Variants in EIF3H observed in about 807,000 individuals in gnomAD.
EIF3H encodes eukaryotic translation initiation factor 3 subunit H, also known as eIF-3-gamma.
Under a neutral mutation model 44.2 loss-of-function variants are expected in EIF3H, and 26 were observed. That is an observed-to-expected ratio of 0.59 (90% confidence interval 0.43 to 0.82). The LOEUF (loss-of-function observed/expected upper bound fraction) is 0.82, where lower values mean the gene tolerates loss of function less well. Among genes scored for constraint, EIF3H ranks in the 40% least tolerant of loss-of-function variants. EIF3H has a pLI of 0.00. For missense variants in EIF3H, 359 were observed against 432.8 expected, an observed-to-expected ratio of 0.83 and a Z score of 1.51; for synonymous variants, 166 against 151.9, an observed-to-expected ratio of 1.09 and a Z score of -0.68.
At chr8:116,745,295 T>G (rs1292614159) in intron 1 of EIF3H, among the ~76,000 whole-genome samples, 1 of 151,946 alleles carries the variant, frequency 6.6e-6, no homozygotes, top group Non-Finnish European at 1.5e-5. Context: ...CTACTAAAAA[T>G]CATATCAACA....
intron 2 of EIF3H, among the ~76,000 whole-genome samples, chr8:116,675,457 C>G (rs1228941861): frequency 6.6e-6 from 1 of 152,182 alleles, no homozygotes; most frequent in Non-Finnish European, 1.5e-5. Flanking sequence ...GTGCCCCGGC[C>G]TCTATCCTCT....
rs555650453 is a variant in EIF3H at position 116,707,635 on chromosome 8, T to C, written c.289+18381A>G. 6.3e-4 allele frequency among the ~76,000 whole-genome samples: 96 copies of C among 152,316 alleles called. 1 individual carries two copies. Among genetic ancestry groups the C allele is most frequent in the Middle Eastern group, 6.8e-3 (2 of 294 alleles). On this transcript the variant is annotated intron_variant, in intron 2 of 7. Coordinates refer to ENST00000521861, the MANE Select transcript of EIF3H (RefSeq NM_003756.3). ...CTTTTACTCAATCTTTTGTCATTTC[T>C]ACCTCTCTCTAGTGTTCATCTTTTC... is the stretch of plus-strand genomic sequence containing the variant.
chr8:116,692,941 A>G (rs1373182202), intron 2 of EIF3H, among the ~76,000 whole-genome samples: 1 of 152,178 alleles, frequency 6.6e-6, no homozygotes, highest in Non-Finnish European at 1.5e-5. Flanking sequence ...TCTTTGTATC[A>G]ATACCATACT....
At chr8:116,756,373 A>G (rs1469275152), upstream of EIF3H, among the ~76,000 whole-genome samples, 1 of 152,246 alleles carries the variant, frequency 6.6e-6, no homozygotes, top group Non-Finnish European at 1.5e-5. Context: ...GTAGAGATTT[A>G]CCTGAGTAAA....
chr8:116,660,654 C>CT (rs1429085589), intron 2 of EIF3H, among the ~76,000 whole-genome samples: 1 of 152,088 alleles, frequency 6.6e-6, no homozygotes, highest in African/African-American at 2.4e-5. Flanking sequence ...AACTGCACTA[C>CT]TGTAAAGATG....
Position 116,678,069 on chromosome 8 carries a change from C to G in EIF3H, c.290-19089G>C, listed in dbSNP as rs376169220. Among the ~76,000 whole-genome samples the G allele has an allele frequency of 2.1e-4, 32 of 151,970 alleles. 2 individuals carry two copies. The South Asian group carries it at 6.6e-3, about 32-fold the overall frequency. Reference sequence around the variant, plus strand: ...AAGCTGGACGGTACTGCTGCCATCTCGGCTCACTGCAACCTCCCTGCCTGA... The same window carrying G: ...AAGCTGGACGGTACTGCTGCCATCTGGGCTCACTGCAACCTCCCTGCCTGA... On this transcript the variant is annotated intron_variant, in intron 2 of 7. Transcript: ENST00000521861.
At chr8:116,703,778 C>T (rs912716192) in intron 2 of EIF3H, among the ~76,000 whole-genome samples, 7 of 152,152 alleles carry the variant, frequency 4.6e-5, no homozygotes, top group African/African-American at 1.7e-4. Flanking sequence ...GGGCCACTAC[C>T]GGTCTCCACA....
At chr8:116,734,144 G>T (rs1814994755) in intron 1 of EIF3H, 1 of 386,882 alleles carries the variant, frequency 2.6e-6, no homozygotes, top group African/African-American at 2.1e-5. Flanking sequence ...TCTCTAAAAG[G>T]GTGTCCAAGA....
At chr8:116,653,339 AC>A (rs1367266200) in intron 5 of EIF3H, among the ~76,000 whole-genome samples, 34 of 148,330 alleles carry the variant, frequency 2.3e-4, no homozygotes, top group South Asian at 8.9e-4. Flanking sequence ...CAGAAAAAAA[AC>A]AATCAGAAAC....
chr8:116,696,080 C>T (rs965968825), intron 2 of EIF3H, among the ~76,000 whole-genome samples: 11 of 152,172 alleles, frequency 7.2e-5, no homozygotes, highest in Non-Finnish European at 1.5e-4. Flanking sequence ...AGTAATATCC[C>T]AAGAGCAATG....
intron 2 of EIF3H, among the ~76,000 whole-genome samples, chr8:116,695,681 C>A (rs1013877042): frequency 6.6e-6 from 1 of 152,096 alleles, no homozygotes; most frequent in African/African-American, 2.4e-5. Flanking sequence ...GAAGGCAGGG[C>A]AACCCATGCA....
rs1814315509 is a variant in EIF3H, at chr8:116,698,764, T to C, written c.289+27252A>G. The stretch of plus-strand genomic sequence containing the variant: ...TAATGTTGCCAACTACCAACTTTCA[T>C]TGTTTAAGATGATTTTTTTTTCTAC... On this transcript the variant is annotated intron_variant, in intron 2 of 7. Coordinates refer to ENST00000521861, the MANE Select transcript of EIF3H (RefSeq NM_003756.3). Among the ~76,000 whole-genome samples the C allele has an allele frequency of 3.3e-5, 5 of 152,322 alleles. No individual in the cohort carries two copies. The South Asian group carries it at 1.0e-3, about 32-fold the overall frequency.
chr8:116,749,008 G>C (rs1815285252), intron 1 of EIF3H, among the ~76,000 whole-genome samples: 3 of 152,068 alleles, frequency 2.0e-5, no homozygotes, highest in African/African-American at 4.8e-5. Context: ...AAGATATAGA[G>C]AGCTGACTGT....
chr8:116,667,459 C>A (rs1289355254), intron 2 of EIF3H, among the ~76,000 whole-genome samples: 5 of 69,888 alleles, frequency 7.2e-5, no homozygotes, highest in Admixed American at 1.5e-4. Flanking sequence ...GTTTGTACAA[C>A]TTCACAAAAA....
At chr8:116,743,098 G>A (rs952399649) in intron 1 of EIF3H, among the ~76,000 whole-genome samples, 5 of 152,118 alleles carry the variant, frequency 3.3e-5, no homozygotes, top group Admixed American at 1.3e-4. Flanking sequence ...AAGGCTACCA[G>A]TAAACCACAC....
intron 2 of EIF3H, among the ~76,000 whole-genome samples, chr8:116,695,169 C>T (rs1176293587): frequency 6.6e-6 from 1 of 150,602 alleles, no homozygotes; most frequent in Non-Finnish European, 1.5e-5. Flanking sequence ...CCATGTTCAA[C>T]CAATTCTCGT....
chr8:116,726,036 T>C lies in EIF3H; in HGVS notation c.269A>G (p.Asp90Gly). 1 of 1,613,976 alleles carries C rather than the reference T, an allele frequency of 6.2e-7. No individual in the cohort carries two copies. Among genetic ancestry groups the C allele is most frequent in the Non-Finnish European group, 8.5e-7 (1 of 1,179,912 alleles). The change falls in exon 2 of 8, where the codon GAT becomes GGT. Residue 90 changes from aspartate to glycine, a missense_variant. Asp to Gly is a moderately conservative substitution (Grantham distance 94). This residue lies in a region of EIF3H where 91 missense variants were observed against 164.6 expected (regional missense o/e 0.55). Coordinates refer to ENST00000521861, the MANE Select transcript of EIF3H (RefSeq NM_003756.3). The stretch of plus-strand genomic sequence containing the variant: ...CTTACCTTCATCAAAGTCAGCATCA[T>C]CCTCTGTGTGCTGAGGGAAAGGAAA... ...NCFPFPQHTE[D>G]DADFDEVQYQ...
At chr8:116,710,307 A>G (rs1397529302) in intron 2 of EIF3H, among the ~76,000 whole-genome samples, 1 of 152,146 alleles carries the variant, frequency 6.6e-6, no homozygotes, top group Non-Finnish European at 1.5e-5. Flanking sequence ...TCAAACTATT[A>G]TTTGTAATGG....
At chr8:116,706,688 C>T (rs896734940) in intron 2 of EIF3H, among the ~76,000 whole-genome samples, 1 of 152,096 alleles carries the variant, frequency 6.6e-6, no homozygotes, top group Non-Finnish European at 1.5e-5. Flanking sequence ...GCGAATGCCA[C>T]CACACCTGGC....
Sources: gnomAD v4.1 joint callset for allele counts (sites outside exome capture counted in the v4.1 genomes callset) on GRCh38, gnomAD v4.1.1 for gene constraint, gnomAD v4.1.1 regional missense constraint, MANE v1.5 for transcripts, NCBI Gene and HGNC (gene_info 2026-07-23, HGNC 2026-07-21) for gene names.